Variants in CWC27 observed in about 807,000 individuals in gnomAD.
The protein encoded by CWC27 is spliceosome-associated protein CWC27 homolog.
A neutral mutation model predicts 63.6 loss-of-function variants in CWC27; 47 were observed. The ratio of observed to expected loss-of-function variants is 0.74; its 90% CI spans 0.58 to 0.94. The LOEUF is 0.94. CWC27 is among the 40% of genes least tolerant of loss of function. The pLI is 0.00. For synonymous variants in CWC27, 175 were observed against 179.8 expected (o/e 0.97, Z 0.22); for missense variants, 495 against 554.3 (o/e 0.89, Z 1.07).
At chr5:64,993,689 G>A (rs1044785919) in intron 13 of CWC27, among the ~76,000 whole-genome samples, 2 of 151,710 alleles carry the variant, frequency 1.3e-5, no homozygotes, top group African/African-American at 4.8e-5. Flanking sequence ...GCTGACAAGA[G>A]CATCTTGGAA....
At chr5:65,002,020 G>T (rs1159885509) in intron 13 of CWC27, among the ~76,000 whole-genome samples, 1 of 151,900 alleles carries the variant, frequency 6.6e-6, no homozygotes, top group Admixed American at 6.6e-5. Flanking sequence ...CAGGTTTTCT[G>T]TTTATTCCTA....
chr5:64,902,710 T>A (rs899844314), intron 11 of CWC27, among the ~76,000 whole-genome samples: 2 of 152,170 alleles, frequency 1.3e-5, no homozygotes, highest in Non-Finnish European at 2.9e-5. Flanking sequence ...CATATGCATG[T>A]CCATGTGAAT....
intron 7 of CWC27, among the ~76,000 whole-genome samples, chr5:64,794,739 C>G (rs1012718381): frequency 1.3e-5 from 2 of 152,224 alleles, no homozygotes; most frequent in Non-Finnish European, 2.9e-5. Context: ...TGGAATATTG[C>G]TCCCTTCATA....
At chr5:64,847,186 G>A (rs1179888574) in intron 10 of CWC27, among the ~76,000 whole-genome samples, 2 of 152,060 alleles carry the variant, frequency 1.3e-5, no homozygotes, top group South Asian at 2.1e-4. Context: ...GGAAGCTGAA[G>A]GGATAGATAG....
chr5:64,823,012 A>G (rs899611521), intron 10 of CWC27, among the ~76,000 whole-genome samples: 4 of 152,178 alleles, frequency 2.6e-5, no homozygotes, highest in African/African-American at 9.6e-5. Flanking sequence ...TTTAATGACA[A>G]CTGTGATCTA....
At chr5:64,912,084 AAAAAAAAG>A (rs1262588781) in intron 11 of CWC27, among the ~76,000 whole-genome samples, 7 of 129,952 alleles carry the variant, frequency 5.4e-5, no homozygotes, top group African/African-American at 2.7e-4. Flanking sequence ...AAAAAAAAAA[AAAAAAAAG>A]AAAGAAAGAA....
At chr5:64,862,771 A>G (rs970120750) in intron 10 of CWC27, among the ~76,000 whole-genome samples, 8 of 152,284 alleles carry the variant, frequency 5.3e-5, no homozygotes, top group Admixed American at 1.3e-4. Context: ...GGTGGCTTAT[A>G]AACAAGAAAA....
chr5:64,915,261 T>C (rs1048340255), intron 11 of CWC27, among the ~76,000 whole-genome samples: 1 of 152,206 alleles, frequency 6.6e-6, no homozygotes, highest in Non-Finnish European at 1.5e-5. Flanking sequence ...ATATTTACAG[T>C]AGCAAAAATT....
chr5:64,999,979 T>A (rs1042410347), intron 13 of CWC27, among the ~76,000 whole-genome samples: 2 of 152,066 alleles, frequency 1.3e-5, no homozygotes, highest in Non-Finnish European at 2.9e-5. Flanking sequence ...TACCTTTCTC[T>A]GCATCCTCAC....
intron 11 of CWC27, among the ~76,000 whole-genome samples, chr5:64,951,510 T>C (rs1314472923): frequency 1.3e-5 from 2 of 151,958 alleles, no homozygotes; most frequent in African/African-American, 4.8e-5. Context: ...TCATGTGCCA[T>C]TCATGTGCCT....
rs1376601517 is a variant in CWC27 at position 65,018,518 on chromosome 5, G to GT, written c.*203dup. On this transcript the variant is annotated 3_prime_UTR_variant, in exon 14 of 14. Coordinates refer to ENST00000381070, the MANE Select transcript of CWC27 (RefSeq NM_005869.4). ...AATGCTTTTGGTTACTGGTACATGTGTTTTTTCCTAGCTGACCTTTTATAT... is the reference window on the plus strand; with the variant it reads ...AATGCTTTTGGTTACTGGTACATGTGTTTTTTTCCTAGCTGACCTTTTATAT... 10 of 429,534 alleles carry GT rather than the reference G, an allele frequency of 2.3e-5. No homozygotes were observed. The highest frequency in any genetic ancestry group is 6.2e-5 in the African/African-American group (3 of 48,532). 26.6% of individuals were successfully genotyped at this position (429,534 alleles called of 1,614,324 possible).
chr5:64,877,593 G>T (rs1442821892), intron 10 of CWC27, among the ~76,000 whole-genome samples: 3 of 151,996 alleles, frequency 2.0e-5, no homozygotes, highest in Non-Finnish European at 4.4e-5. Flanking sequence ...TTAAGTGCTT[G>T]AGGTGATAGA....
In CWC27 at chr5:64,790,624, C is replaced by T. The variant is rs991134573; in HGVS notation, c.669+1604C>T. Among the ~76,000 whole-genome samples, 3 of 152,018 alleles carry T rather than the reference C, an allele frequency of 2.0e-5. 1 individual carries two copies. The highest frequency in any genetic ancestry group is 4.1e-4 in the South Asian group (2 of 4,822). On this transcript the variant is annotated intron_variant, in intron 7 of 13. Coordinates refer to ENST00000381070, the MANE Select transcript of CWC27 (RefSeq NM_005869.4). ...TATGCTCTCTCCTTAAAGTGTTTTT[C>T]CTTTAAGATTTAGGTCTACTATCAC...
intron 11 of CWC27, among the ~76,000 whole-genome samples, chr5:64,913,561 T>C (rs1274066386): frequency 6.6e-6 from 1 of 152,038 alleles, no homozygotes; most frequent in African/African-American, 2.4e-5. Flanking sequence ...ATTTTCTATA[T>C]GGAAATAACA....
At chr5:64,782,544 T>C (rs541473524) in intron 3 of CWC27, among the ~76,000 whole-genome samples, 5 of 149,770 alleles carry the variant, frequency 3.3e-5, no homozygotes, top group Middle Eastern at 6.9e-3. Context: ...CCAACATAGA[T>C]CTAAGAAGAA....
chr5:64,818,440 A>T (rs1745105773), intron 10 of CWC27, among the ~76,000 whole-genome samples: 1 of 152,100 alleles, frequency 6.6e-6, no homozygotes, highest in Non-Finnish European at 1.5e-5. Context: ...GAATTTCCGG[A>T]TATGCTTTTT....
At chr5:64,962,725 TTGTC>T (rs1173243317) in intron 11 of CWC27, among the ~76,000 whole-genome samples, 1 of 152,170 alleles carries the variant, frequency 6.6e-6, no homozygotes, top group East Asian at 1.9e-4. Flanking sequence ...AACCCCTTGA[TTGTC>T]TGGTAGAAAC....
At chr5:64,793,337 T>G (rs1744144789) in intron 7 of CWC27, among the ~76,000 whole-genome samples, 1 of 152,206 alleles carries the variant, frequency 6.6e-6, no homozygotes. Context: ...GTCTGCTTTA[T>G]GTAATGGACA....
intron 3 of CWC27, 79 bp from the exon 4 acceptor site, chr5:64,783,757 A>G (rs987363508): frequency 8.2e-7 from 1 of 1,222,076 alleles, no homozygotes; most frequent in Non-Finnish European, 1.1e-6. Context: ...GTTGTATGGG[A>G]CCTTGCAGGT....
Sources: allele counts gnomAD v4.1 joint callset (sites outside exome capture counted in the v4.1 genomes callset), GRCh38; gene constraint gnomAD v4.1.1; transcripts MANE v1.5; gene names NCBI Gene and HGNC (gene_info 2026-07-23, HGNC 2026-07-21).